The following UBASH3B variants were observed in gnomAD, a reference collection of about 807,000 sequenced individuals.
The protein encoded by UBASH3B is ubiquitin associated and SH3 domain containing B, also known as ubiquitin-associated and SH3 domain-containing protein B.
A neutral mutation model predicts 83.4 loss-of-function variants in UBASH3B; 37 were observed. The ratio of observed to expected loss-of-function variants is 0.44; its 90% CI spans 0.34 to 0.58. The LOEUF (loss-of-function observed/expected upper bound fraction) is 0.58. Ranked by LOEUF, UBASH3B falls within the 20% of genes least tolerant of loss-of-function variation. UBASH3B has a pLI of 0.01. For synonymous variants in UBASH3B, 304 were observed against 318.3 expected, an observed-to-expected ratio of 0.96 and a Z score of 0.48; for missense variants, 657 against 827.2, an observed-to-expected ratio of 0.79 and a Z score of 2.52.
At chr11:122,802,400 T>C (rs895470832) in intron 11 of UBASH3B, among the ~76,000 whole-genome samples, 3 of 152,012 alleles carry the variant, frequency 2.0e-5, no homozygotes, top group African/African-American at 7.2e-5. Flanking sequence ...TAAAAATCTC[T>C]TTGAGAAGGA....
intron 1 of UBASH3B, among the ~76,000 whole-genome samples, chr11:122,684,345 T>G (rs1863783088): frequency 6.6e-6 from 1 of 152,166 alleles, no homozygotes; most frequent in Admixed American, 6.5e-5. Context: ...AGTCCTGGCC[T>G]GGGGTTGCTT....
intron 1 of UBASH3B, among the ~76,000 whole-genome samples, chr11:122,673,586 G>A (rs1298621180): frequency 1.3e-5 from 2 of 152,192 alleles, no homozygotes; most frequent in African/African-American, 2.4e-5. Flanking sequence ...GTGAACCCGG[G>A]AGGCAGAGCT....
chr11:122,728,657 A>T (rs1482210034), intron 1 of UBASH3B, among the ~76,000 whole-genome samples: 1 of 152,244 alleles, frequency 6.6e-6, no homozygotes, highest in Non-Finnish European at 1.5e-5. Flanking sequence ...TGGTTGTTGG[A>T]TTGGGTACCC....
intron 1 of UBASH3B, among the ~76,000 whole-genome samples, chr11:122,744,564 G>A (rs1164263054): frequency 6.6e-6 from 1 of 152,098 alleles, no homozygotes. Context: ...AAGAGTGCCT[G>A]TGTGGGTGTG....
rs1315612423 is a variant in UBASH3B, at chr11:122,690,186, A to ATATATCCAAT, written c.161+33981_161+33982insCCAATTATAT. 8.6e-3 allele frequency among the ~76,000 whole-genome samples: 228 copies of ATATATCCAAT among 26,410 alleles called. 3 individuals carry two copies. Among genetic ancestry groups the ATATATCCAAT allele is most frequent in the African/African-American group, 0.029 (217 of 7,362 alleles). 17.3% of individuals were successfully genotyped at this position (26,410 alleles called of 152,430 possible). A position where few individuals can be genotyped will look rare whatever the true frequency, so the allele number is the denominator to read the frequency against. ...GGAAAACATATATATATATATATAT[A>ATATATCCAAT]TATATATATATATATATATATATCC... is the stretch of plus-strand genomic sequence containing the variant. On this transcript the variant is annotated intron_variant, in intron 1 of 13. Coordinates refer to ENST00000284273, the MANE Select transcript of UBASH3B (RefSeq NM_032873.5).
chr11:122,777,241 C>A (rs751880118), intron 3 of UBASH3B, 31 bp downstream of exon 3: 2 of 1,585,160 alleles, frequency 1.3e-6, no homozygotes, highest in Non-Finnish European at 8.6e-7. Flanking sequence ...CCCTGGGAAG[C>A]CTGGCTCCTA....
chr11:122,791,580 C>T lies in UBASH3B; in HGVS notation c.980+2272C>T, dbSNP rs11218811. Among the ~76,000 whole-genome samples, 537 of 152,306 alleles carry T rather than the reference C, an allele frequency of 3.5e-3. 4 individuals carry two copies. Among genetic ancestry groups the T allele is most frequent in the African/African-American group, 0.012 (514 of 41,558 alleles). On this transcript the variant is annotated intron_variant, in intron 6 of 13. Coordinates refer to ENST00000284273, the MANE Select transcript of UBASH3B (RefSeq NM_032873.5). ...CAATCCTGTAGATGAACTGCACTTTCCTATTTAACCCCAGAGGTCAAATGA... is the reference window on the plus strand; with the variant it reads ...CAATCCTGTAGATGAACTGCACTTTTCTATTTAACCCCAGAGGTCAAATGA...
In UBASH3B at chr11:122,758,057, G is replaced by T. The variant is rs1861311194; in HGVS notation, c.162-18162G>T. ...CACTCCTTTTGAGTCGAAGCTTCCT[G>T]GGGGCCCTTCGTCTGGCAAGGGCTT... On this transcript the variant is annotated intron_variant, in intron 1 of 13. Transcript: ENST00000284273. The surrounding 1 kb of genome is among the most constrained non-coding windows in gnomAD (Gnocchi z 4.2). 6.6e-6 allele frequency among the ~76,000 whole-genome samples: 1 copy of T among 152,150 alleles called. No individual in the cohort carries two copies. The highest frequency in any genetic ancestry group is 2.4e-5 in the African/African-American group (1 of 41,432).
At chr11:122,740,416 A>G (rs577065946) in intron 1 of UBASH3B, among the ~76,000 whole-genome samples, 4 of 152,356 alleles carry the variant, frequency 2.6e-5, no homozygotes, top group African/African-American at 9.6e-5. Flanking sequence ...GGCTCTGTAA[A>G]GGGTGAACCG....
chr11:122,722,980 C>G (rs1253016353), intron 1 of UBASH3B, among the ~76,000 whole-genome samples: 4 of 152,192 alleles, frequency 2.6e-5, no homozygotes, highest in African/African-American at 9.6e-5. Flanking sequence ...GCTGGGATTA[C>G]AGGCGTGAGC....
At chr11:122,765,389 C>T (rs939283388) in intron 1 of UBASH3B, among the ~76,000 whole-genome samples, 41 of 152,294 alleles carry the variant, frequency 2.7e-4, no homozygotes, top group Non-Finnish European at 1.5e-5. Context: ...GCACTTGCGA[C>T]GCTTCCCACT....
chr11:122,712,661 G>A (rs1277877377), intron 1 of UBASH3B, among the ~76,000 whole-genome samples: 1 of 152,086 alleles, frequency 6.6e-6, no homozygotes, highest in Non-Finnish European at 1.5e-5. Flanking sequence ...GAGGCAAGAG[G>A]AGAACTCCAT....
intron 3 of UBASH3B, among the ~76,000 whole-genome samples, chr11:122,778,995 A>C (rs1400706089): frequency 6.6e-6 from 1 of 152,230 alleles, no homozygotes; most frequent in African/African-American, 2.4e-5. Context: ...TGCCTAAATC[A>C]AGCTAATTGT....
At chr11:122,700,975 A>G (rs10892886) in intron 1 of UBASH3B, among the ~76,000 whole-genome samples, 52,862 of 152,106 alleles carry the variant, frequency 0.35, 10,320 homozygotes, top group East Asian at 0.68. Flanking sequence ...ACCCTGCTCC[A>G]CATTAAACCA....
At chr11:122,750,787 A>G (rs953119225) in intron 1 of UBASH3B, among the ~76,000 whole-genome samples, 1 of 152,220 alleles carries the variant, frequency 6.6e-6, no homozygotes, top group African/African-American at 2.4e-5. Context: ...GAAGCTGGGG[A>G]CAAGTCACTT....
At chr11:122,721,376 G>T (rs139746973) in intron 1 of UBASH3B, among the ~76,000 whole-genome samples, 739 of 152,248 alleles carry the variant, frequency 4.9e-3, no homozygotes, top group Middle Eastern at 6.8e-3. Context: ...AGCACTACGG[G>T]GGGGTGGGAG....
At chr11:122,660,267 G>A (rs887826885) in intron 1 of UBASH3B, among the ~76,000 whole-genome samples, 2 of 152,068 alleles carry the variant, frequency 1.3e-5, no homozygotes, top group South Asian at 2.1e-4. Context: ...GCGATTTCAC[G>A]GTGTGTGTGT....
chr11:122,722,595 T>C (rs1198471082), intron 1 of UBASH3B, among the ~76,000 whole-genome samples: 1 of 152,186 alleles, frequency 6.6e-6, no homozygotes, highest in African/African-American at 2.4e-5. Context: ...GGTAGAAAAT[T>C]GGGCTTCTTT....
intron 5 of UBASH3B, among the ~76,000 whole-genome samples, chr11:122,785,562 C>T (rs1269964851): frequency 2.6e-5 from 4 of 152,186 alleles, no homozygotes; most frequent in South Asian, 2.1e-4. Context: ...TGGGCTCTTC[C>T]GTGTTAGTGA....
Sources: allele counts gnomAD v4.1 joint callset (sites outside exome capture counted in the v4.1 genomes callset), GRCh38; gene constraint gnomAD v4.1.1; non-coding constraint Gnocchi (gnomAD v3.1); transcripts MANE v1.5; gene names NCBI Gene and HGNC (gene_info 2026-07-23, HGNC 2026-07-21).